Variants in PRSS48 observed in about 807,000 individuals in gnomAD.
PRSS48 encodes the protein serine protease 48, also known as epidermis-specific serine protease-like protein.
PRSS48 carries 21 observed loss-of-function variants against 25.6 expected under a neutral mutation model. That is an observed-to-expected ratio of 0.82 (90% CI 0.58 to 1.18). PRSS48 has a LOEUF of 1.18. Among genes scored for constraint, PRSS48 ranks in the 50% most tolerant of loss-of-function variants. The probability of loss-of-function intolerance (pLI) is 0.00; values close to 1 mark genes in which losing one functional copy is unlikely to be tolerated. For missense variants in PRSS48, 373 were observed against 399.3 expected (o/e 0.93, Z 0.56); for synonymous variants, 150 against 149.3 (o/e 1.00, Z -0.04).
chr4:151,282,790 T>A (rs1027451352), intron 3 of PRSS48, among the ~76,000 whole-genome samples: 1 of 152,060 alleles, frequency 6.6e-6, no homozygotes. Flanking sequence ...CAAGAACTGA[T>A]CTAGAAGCAA....
intron 4 of PRSS48, among the ~76,000 whole-genome samples, chr4:151,285,919 G>A (rs1580409067): frequency 6.6e-6 from 1 of 151,772 alleles, no homozygotes; most frequent in East Asian, 1.9e-4. Flanking sequence ...AAAAGGCTGG[G>A]TGTGATGGCA....
chr4:151,282,878 C>T (rs531791524), intron 3 of PRSS48, among the ~76,000 whole-genome samples: 17 of 151,968 alleles, frequency 1.1e-4, no homozygotes, highest in Non-Finnish European at 2.2e-4. Flanking sequence ...ATCGGAAGTA[C>T]TCATTATTTA....
At chr4:151,288,668 T>C (rs995124522) in intron 4 of PRSS48, among the ~76,000 whole-genome samples, 1 of 151,652 alleles carries the variant, frequency 6.6e-6, no homozygotes, top group Non-Finnish European at 1.5e-5. Flanking sequence ...AGCGAGACTC[T>C]GTCTTAAAAA....
chr4:151,284,992 C>A (rs960985868), intron 4 of PRSS48, among the ~76,000 whole-genome samples: 4 of 152,148 alleles, frequency 2.6e-5, no homozygotes, highest in Non-Finnish European at 5.9e-5. Context: ...TAAGGTAGCT[C>A]TGAACTCTAT....
chr4:151,291,241 C>T lies in PRSS48; in HGVS notation c.775C>T (p.Gln259Ter), dbSNP rs1775309435. 1.2e-6 allele frequency: 2 copies of T among 1,613,704 alleles called. No individual in the cohort carries two copies. The highest frequency in any genetic ancestry group is 1.7e-6 in the Non-Finnish European group (2 of 1,179,792). ...AGTCTACACCAATGTAATCTACTAC[C>T]AAAAATGGATTAATGCCACTATTTC... The change falls in exon 5 of 5, where the codon CAA becomes TAA. Residue 259 changes from glutamine (Q) to a stop codon, truncating the protein, a stop_gained. Coordinates refer to ENST00000455694, the Ensembl canonical transcript of PRSS48. LOFTEE classifies it low-confidence loss of function (END_TRUNC).
At chr4:151,286,967 G>T (rs1241088389) in intron 4 of PRSS48, among the ~76,000 whole-genome samples, 1 of 140,842 alleles carries the variant, frequency 7.1e-6, no homozygotes, top group East Asian at 2.1e-4. Context: ...GTGACAGAGT[G>T]AGATTCTGTC....
chr4:151,282,042 C>A, intron 2 of PRSS48, 106 bp from the exon 3 acceptor site: 1 of 1,149,902 alleles, frequency 8.7e-7, no homozygotes, highest in Non-Finnish European at 1.3e-6. Flanking sequence ...GGTTAATTCC[C>A]AGTTGGCTAC....
At chr4:151,285,406 AT>A (rs1477381638) in intron 4 of PRSS48, among the ~76,000 whole-genome samples, 1 of 152,214 alleles carries the variant, frequency 6.6e-6, no homozygotes. Context: ...TACAAATTAT[AT>A]TTTCTAATCA....
chr4:151,285,870 G>A (rs1030460216), intron 4 of PRSS48, among the ~76,000 whole-genome samples: 2 of 151,730 alleles, frequency 1.3e-5, no homozygotes, highest in African/African-American at 4.8e-5. Flanking sequence ...CTGTGGCTCT[G>A]TCTCTTAAAA....
intron 2 of PRSS48, among the ~76,000 whole-genome samples, chr4:151,281,257 T>C (rs375152212): frequency 6.6e-6 from 1 of 152,134 alleles, no homozygotes; most frequent in South Asian, 2.1e-4. Context: ...AGACTGGTGA[T>C]GGGTATAAAG....
At chr4:151,284,860 C>T (rs1774589362) in intron 4 of PRSS48, among the ~76,000 whole-genome samples, 1 of 152,146 alleles carries the variant, frequency 6.6e-6, no homozygotes, top group Admixed American at 6.5e-5. Flanking sequence ...TGGAGTCTAA[C>T]CTGCACATGT....
At chr4:151,282,224 T>C (rs371043758) in exon 3 of PRSS48, 13 of 1,613,780 alleles carry the variant, frequency 8.1e-6, no homozygotes, top group Non-Finnish European at 9.3e-6. Flanking sequence ...TGTGAAGTAC[T>C]ACGTGTCCAA....
intron 4 of PRSS48, among the ~76,000 whole-genome samples, chr4:151,285,944 C>T (rs1156900023): frequency 2.6e-5 from 4 of 150,964 alleles, no homozygotes; most frequent in Admixed American, 6.6e-5. Flanking sequence ...CCTGTAATCG[C>T]AGCACTTTGG....
Position 151,278,079 on chromosome 4 carries a change from C to T in PRSS48, c.52+855C>T, listed in dbSNP as rs116164074. 5.3e-3 allele frequency among the ~76,000 whole-genome samples: 811 copies of T among 152,190 alleles called. 5 individuals carry two copies. Among genetic ancestry groups the T allele is most frequent in the African/African-American group, 0.019 (789 of 41,550 alleles). ...AAGGGTATGCTGAGAGAGCAAAAAA[C>T]TTAACAGGTAGCAAAGAAGAAAGAT... On this transcript the variant is annotated intron_variant, in intron 1 of 4. Transcript: ENST00000455694.
intron 4 of PRSS48, among the ~76,000 whole-genome samples, chr4:151,290,601 T>C (rs1561436041): frequency 6.6e-6 from 1 of 152,194 alleles, no homozygotes; most frequent in Admixed American, 6.5e-5. Context: ...AAAAATGTTC[T>C]AAAATGGGTT....
exon 2 of PRSS48, chr4:151,279,925 G>A (rs1252655408): frequency 6.2e-7 from 1 of 1,613,460 alleles, no homozygotes; most frequent in African/African-American, 1.3e-5. Context: ...GTCAGTGAGA[G>A]GTTGATACTG....
intron 4 of PRSS48, among the ~76,000 whole-genome samples, chr4:151,287,701 A>G (rs1197347588): frequency 6.6e-6 from 1 of 152,100 alleles, no homozygotes; most frequent in African/African-American, 2.4e-5. Flanking sequence ...TCAAGACTAG[A>G]CTGGGCAACA....
At chr4:151,278,411 GT>G (rs1773859187) in intron 1 of PRSS48, among the ~76,000 whole-genome samples, 1 of 127,524 alleles carries the variant, frequency 7.8e-6, no homozygotes, top group South Asian at 2.3e-4. Flanking sequence ...GGGACTACAG[GT>G]GTGGTTGAAC....
intron 4 of PRSS48, among the ~76,000 whole-genome samples, chr4:151,290,278 T>C (rs1401798560): frequency 6.6e-6 from 1 of 152,050 alleles, no homozygotes; most frequent in Non-Finnish European, 1.5e-5. Context: ...ATAGCCCAAA[T>C]AATGGAAGCA....
Sources: allele counts gnomAD v4.1 joint callset (sites outside exome capture counted in the v4.1 genomes callset), GRCh38; gene constraint gnomAD v4.1.1; transcripts MANE v1.5; gene names NCBI Gene and HGNC (gene_info 2026-07-23, HGNC 2026-07-21).